The following SZT2 variants were observed in gnomAD, a reference collection of about 807,000 sequenced individuals.
SZT2 encodes SZT2 subunit of KICSTOR complex.
SZT2 carries 216 observed loss-of-function variants against 404.2 expected under a neutral mutation model. The ratio of observed to expected loss-of-function variants is 0.53; its 90% CI spans 0.48 to 0.60. The LOEUF (loss-of-function observed/expected upper bound fraction) is 0.60. SZT2 is among the 20% of genes least tolerant of loss of function. SZT2 has a pLI of 0.00. For missense variants in SZT2, 3,857 were observed against 4,459.2 expected (o/e 0.86, Z 3.85); for synonymous variants, 1,693 against 1,749.9 (o/e 0.97, Z 0.81).
Position 43,454,241 on chromosome 1 carries a change from A to G in SZT2, c.*3761A>G. The G allele has an allele frequency of 6.1e-6, 1 of 165,156 alleles. No individual in the cohort carries two copies. Among genetic ancestry groups the G allele is most frequent in the African/African-American group, 2.4e-5 (1 of 41,886 alleles). The allele number at this position is 165,156 out of a possible 1,614,324, so 10.2% of individuals were successfully genotyped here. A position where few individuals can be genotyped will look rare whatever the true frequency, so the allele number is the denominator to read the frequency against. ...TGACCAAATAAAGAAGCACTTTTATACCGCCAGTTATCACACCACTAGCCT... is the reference window on the plus strand; with the variant it reads ...TGACCAAATAAAGAAGCACTTTTATGCCGCCAGTTATCACACCACTAGCCT... On this transcript the variant is annotated 3_prime_UTR_variant, in exon 72 of 72. Coordinates refer to ENST00000634258, the MANE Select transcript of SZT2 (RefSeq NM_001365999.1).
chr1:43,453,419 G>A lies in SZT2; in HGVS notation c.*2939G>A, dbSNP rs773770463. ...GCCCAGGGCTTTGGCATACCGCACG[G>A]CCTGCTCCAGTCCCTCTCGGAAGGC... On this transcript the variant is annotated 3_prime_UTR_variant, in exon 72 of 72. Transcript: ENST00000634258. 8.3e-6 allele frequency: 13 copies of A among 1,559,614 alleles called. No individual in the cohort carries two copies. In the South Asian group the frequency reaches 1.2e-4, roughly 14 times the overall value.
Position 43,439,036 on chromosome 1 carries a change from G to C in SZT2, c.6735G>C (p.Leu2245Phe), listed in dbSNP as rs763384769. Residue 2245 changes from leucine to phenylalanine, a missense_variant, in exon 48 of 72, where the codon TTG becomes TTC. This residue lies in a region of SZT2 where 261 missense variants were observed against 372.9 expected (regional missense o/e 0.70). Transcript: ENST00000634258. The surrounding 1 kb of genome is among the most constrained non-coding windows in gnomAD (Gnocchi z 4.2). ...TGGCATGGTACCTACGGCAGAACTTGCTCATCTTCCTGCACTCTCCCAAGT... is the reference window on the plus strand; with the variant it reads ...TGGCATGGTACCTACGGCAGAACTTCCTCATCTTCCTGCACTCTCCCAAGT... ...PALAWYLRQN[L>F]LIFLHSPKYT... 2 of 1,614,138 alleles carry C rather than the reference G, an allele frequency of 1.2e-6. No homozygotes were observed. Among genetic ancestry groups the C allele is most frequent in the South Asian group, 1.1e-5 (1 of 91,080 alleles).
At chr1:43,443,865 CCT>C in intron 62 of SZT2, 69 bp downstream of exon 62, 1 of 1,585,962 alleles carries the variant, frequency 6.3e-7, no homozygotes, top group East Asian at 2.2e-5. Flanking sequence ...ACAGGCCCTT[CCT>C]CTCTTTACAA....
intron 33 of SZT2, 49 bp downstream of exon 33, chr1:43,431,139 G>A: frequency 6.3e-7 from 1 of 1,598,650 alleles, no homozygotes; most frequent in Non-Finnish European, 8.5e-7. Context: ...TAGGGTAGGG[G>A]GACCACTAAG....
Position 43,438,080 on chromosome 1 carries a change from C to T in SZT2, c.6508+178C>T, listed in dbSNP as rs945640670. 93 of 616,738 alleles carry T rather than the reference C, an allele frequency of 1.5e-4. No homozygotes were observed. In the African/African-American group the frequency reaches 1.6e-3, roughly 10 times the overall value. 38.2% of individuals were successfully genotyped at this position (616,738 alleles called of 1,614,324 possible). A position where few individuals can be genotyped will look rare whatever the true frequency, so the allele number is the denominator to read the frequency against. On this transcript the variant is annotated intron_variant, in intron 46 of 71. Coordinates refer to ENST00000634258, the MANE Select transcript of SZT2 (RefSeq NM_001365999.1). ...GGAGGCTCCAGACCCTCTGGGACTT[C>T]TCTTAGAACCTCCTATTACTCTGCC... is the stretch of plus-strand genomic sequence containing the variant.
rs1437042764 is a variant in SZT2, at chr1:43,437,192, G to T, written c.6056G>T (p.Cys2019Phe). The change falls in exon 43 of 72, where the codon TGT becomes TTT. Residue 2019 changes from cysteine to phenylalanine, a missense_variant. By Grantham distance (205) the Cys-to-Phe change is radical. Coordinates refer to ENST00000634258, the MANE Select transcript of SZT2 (RefSeq NM_001365999.1). This position sits in a 1 kb window ranked among gnomAD's most constrained non-coding sequence, Gnocchi z 5.3. The part of the protein sequence containing the change: ...PSDDYAADES[C>F]APRGYLAATM... Reference sequence around the variant, plus strand: ...CCAGATTATGCTGCTGATGAGAGCTGTGCGCCCCGTGGGTACCTGGCAGCC... The same window carrying T: ...CCAGATTATGCTGCTGATGAGAGCTTTGCGCCCCGTGGGTACCTGGCAGCC... 5.6e-6 allele frequency: 9 copies of T among 1,614,202 alleles called. No homozygotes were observed. The highest frequency in any genetic ancestry group is 7.6e-6 in the Non-Finnish European group (9 of 1,180,044).
chr1:43,411,177 A>G (rs911113289), intron 4 of SZT2, among the ~76,000 whole-genome samples: 1 of 152,176 alleles, frequency 6.6e-6, no homozygotes, highest in African/African-American at 2.4e-5. Flanking sequence ...GAAAAACACA[A>G]CCCAAAAGTA....
At chr1:43,432,845 G>A in intron 39 of SZT2, 46 bp downstream of exon 39, 2 of 1,605,644 alleles carry the variant, frequency 1.2e-6, no homozygotes, top group Non-Finnish European at 1.7e-6. Flanking sequence ...GATGGGAGGT[G>A]GGCTTAGGGC....
At chr1:43,446,049 G>T in intron 63 of SZT2, 65 bp downstream of exon 63, 1 of 1,593,858 alleles carries the variant, frequency 6.3e-7, no homozygotes, top group South Asian at 1.1e-5. Context: ...TGAGGTCATT[G>T]ACCCTGAGTG....
At position 43,420,223 on chromosome 1, in the gene SZT2, G is replaced by T; in HGVS notation, c.1161G>T (p.Arg387=). The change falls in exon 9 of 72, where the codon CGG becomes CGT. Residue 387 remains arginine (R), a synonymous_variant. Coordinates refer to ENST00000634258, the MANE Select transcript of SZT2 (RefSeq NM_001365999.1). The surrounding 1 kb of genome is among the most constrained non-coding windows in gnomAD (Gnocchi z 5.1). ...GCAACCCTGCCCTGGCCTTGCGCCG[G>T]AAGAAGCACACTGAGAAGGAGGTGC... The part of the protein sequence containing the change: ...ASSNPALALR[R]KKHTEKEVPA... 1 of 1,598,458 alleles carries T rather than the reference G, an allele frequency of 6.3e-7. No homozygotes were observed. Among genetic ancestry groups the T allele is most frequent in the Admixed American group, 1.7e-5 (1 of 60,018 alleles).
chr1:43,442,873 GC>G lies in SZT2; in HGVS notation c.8207del (p.Ala2736GlufsTer5). ...TMEVETLIRS[A>X]SPPLSREQGR... Reference sequence around the variant, plus strand: ...GGAAGTGGAGACCCTCATCCGGAGTGCAAGTCCCCCGCTGAGCCGTGAGCAG... The same window carrying G: ...GGAAGTGGAGACCCTCATCCGGAGTGAAGTCCCCCGCTGAGCCGTGAGCAG... On this transcript the variant is annotated frameshift_variant, in exon 59 of 72. Transcript: ENST00000634258. LOFTEE classifies it high-confidence loss of function. The surrounding 1 kb of genome is among the most constrained non-coding windows in gnomAD (Gnocchi z 4.5). The G allele has an allele frequency of 6.2e-7, 1 of 1,613,508 alleles. No homozygotes were observed. The highest frequency in any genetic ancestry group is 2.2e-5 in the East Asian group (1 of 44,880).
chr1:43,445,973 G>A lies in SZT2; in HGVS notation c.8905G>A (p.Gly2969Arg), dbSNP rs1200544874. ...CTCCTGCCCTAAAACCAAGACTGAT[G>A]GGAGCCCCAAGGTAACTTGTCATAT... is the stretch of plus-strand genomic sequence containing the variant. ...SFSCPKTKTDGSPKSTSSPVT... is the reference protein window; with the variant it reads ...SFSCPKTKTDRSPKSTSSPVT... Residue 2969 changes from glycine to arginine, a missense_variant, in exon 63 of 72, where the codon GGG becomes AGG. Physicochemically the swap from Gly to Arg is moderately radical, Grantham distance 125. This residue lies in a region of SZT2 where 717 missense variants were observed against 868.2 expected (regional missense o/e 0.83). Coordinates refer to ENST00000634258, the MANE Select transcript of SZT2 (RefSeq NM_001365999.1). 1 of 1,614,094 alleles carries A rather than the reference G, an allele frequency of 6.2e-7. No individual in the cohort carries two copies. Among genetic ancestry groups the A allele is most frequent in the Admixed American group, 1.7e-5 (1 of 60,000 alleles).
At position 43,420,746 on chromosome 1, in the gene SZT2, A is replaced by T; in HGVS notation, c.1262-3A>T. The stretch of plus-strand genomic sequence containing the variant: ...CTAACTGGCCCTTCCGCTTCTCCCT[A>T]AGGAGGGTCCCAATTGGAGGTAAAG... On this transcript the variant is annotated splice_region_variant and splice_polypyrimidine_tract_variant and intron_variant, in intron 9 of 71. Coordinates refer to ENST00000634258, the MANE Select transcript of SZT2 (RefSeq NM_001365999.1). This position sits in a 1 kb window ranked among gnomAD's most constrained non-coding sequence, Gnocchi z 5.1. 1 of 1,598,142 alleles carries T rather than the reference A, an allele frequency of 6.3e-7. No homozygotes were observed.
At chr1:43,403,133 C>A in intron 1 of SZT2, 44 bp from the exon 2 acceptor site, 1 of 1,603,686 alleles carries the variant, frequency 6.2e-7, no homozygotes, top group South Asian at 1.1e-5. Context: ...TCCAGGTACT[C>A]GGTGCCATTT....
Position 43,437,495 on chromosome 1 carries a change from G to A in SZT2, c.6277G>A (p.Val2093Met). 1 of 1,614,178 alleles carries A rather than the reference G, an allele frequency of 6.2e-7. No individual in the cohort carries two copies. Among genetic ancestry groups the A allele is most frequent in the Non-Finnish European group, 8.5e-7 (1 of 1,180,036 alleles). ...FVYQERATKAVYYLRLLETSC... is the reference protein window; with the variant it reads ...FVYQERATKAMYYLRLLETSC... ...TTACCAGGAGCGAGCAACAAAGGCT[G>A]TGTACTATCTTCGGTATGTGGCCCT... The change falls in exon 44 of 72, where the codon GTG (valine) becomes ATG (methionine). Residue 2093 changes from valine (V) to methionine (M), a missense_variant. Val to Met is a conservative substitution (Grantham distance 21). This residue lies in a region of SZT2 where 261 missense variants were observed against 372.9 expected (regional missense o/e 0.70). Coordinates refer to ENST00000634258, the MANE Select transcript of SZT2 (RefSeq NM_001365999.1). The surrounding 1 kb of genome is among the most constrained non-coding windows in gnomAD (Gnocchi z 5.3).
At chr1:43,435,402 A>C (rs1052933432) in intron 42 of SZT2, 73 bp downstream of exon 42, 2 of 1,557,154 alleles carry the variant, frequency 1.3e-6, no homozygotes, top group Non-Finnish European at 1.7e-6. Context: ...ACTCTGGTGA[A>C]AGCTGAGGGC....
Position 43,389,984 on chromosome 1 carries a change from C to T in SZT2, c.16C>T (p.Pro6Ser). 7.2e-7 allele frequency: 1 copy of T among 1,395,816 alleles called. No individual in the cohort carries two copies. The highest frequency in any genetic ancestry group is 9.3e-7 in the Non-Finnish European group (1 of 1,078,002). 86.5% of individuals were successfully genotyped at this position (1,395,816 alleles called of 1,614,324 possible). Reference sequence around the variant, plus strand: ...GGGCTGTGTGATGGCCTCGGAGCGCCCGGAGCCGGAGGTGAGGGGCGGGCG... The same window carrying T: ...GGGCTGTGTGATGGCCTCGGAGCGCTCGGAGCCGGAGGTGAGGGGCGGGCG... MASER[P>S]EPEVEEAGQV... The change falls in exon 1 of 72, where the codon CCG (proline) becomes TCG (serine). Residue 6 changes from proline (P) to serine (S), a missense_variant. By Grantham distance (74) the Pro-to-Ser change is moderately conservative. Coordinates refer to ENST00000634258, the MANE Select transcript of SZT2 (RefSeq NM_001365999.1).
At chr1:43,430,832 C>A in intron 32 of SZT2, 43 bp downstream of exon 32, 1 of 1,589,978 alleles carries the variant, frequency 6.3e-7, no homozygotes, top group South Asian at 1.1e-5. Context: ...GGTCCTGGAA[C>A]AGCCTGCCTA....
At chr1:43,427,008 T>A (rs780166502) in intron 23 of SZT2, 48 bp from the exon 24 acceptor site, 103 of 1,608,322 alleles carry the variant, frequency 6.4e-5, no homozygotes, top group Non-Finnish European at 8.2e-5. Context: ...GGAACAGGGG[T>A]TGGACATTCC....
Sources: gnomAD v4.1 joint callset for allele counts (sites outside exome capture counted in the v4.1 genomes callset) on GRCh38, gnomAD v4.1.1 for gene constraint, gnomAD v4.1.1 regional missense constraint, Gnocchi (gnomAD v3.1) non-coding constraint, MANE v1.5 for transcripts, NCBI Gene and HGNC (gene_info 2026-07-23, HGNC 2026-07-21) for gene names.